RPGRIP1L: variants seen among roughly 807,000 people sequenced by gnomAD.
RPGRIP1L encodes the protein protein fantom.
In RPGRIP1L, 131 loss-of-function variants were observed where a neutral mutation model predicts 160.4. That is an observed-to-expected ratio of 0.82 (90% CI 0.71 to 0.94). RPGRIP1L has a LOEUF of 0.94. Ranked by LOEUF, RPGRIP1L falls within the 40% of genes least tolerant of loss-of-function variation. RPGRIP1L has a pLI of 0.00. For missense variants in RPGRIP1L, 1,522 were observed against 1,535.8 expected (o/e 0.99, Z 0.15); for synonymous variants, 510 against 515.8 (o/e 0.99, Z 0.15).
At chr16:53,633,543 A>C (rs1598282236) in intron 22 of RPGRIP1L, among the ~76,000 whole-genome samples, 1 of 152,228 alleles carries the variant, frequency 6.6e-6, no homozygotes, top group Non-Finnish European at 1.5e-5. Flanking sequence ...ATCTTGGACC[A>C]TATGAATAAG....
At chr16:53,615,467 TATA>T (rs1567797380) in intron 24 of RPGRIP1L, among the ~76,000 whole-genome samples, 38 of 76,022 alleles carry the variant, frequency 5.0e-4, no homozygotes, top group East Asian at 1.2e-3. Context: ...TATATATATA[TATA>T]TATTTTTTTT....
chr16:53,693,290 T>C (rs1323777535), intron 3 of RPGRIP1L: 3 of 152,242 alleles, frequency 2.0e-5, no homozygotes, highest in East Asian at 1.9e-4. Context: ...AGACAGGAGA[T>C]TGAAAATAAA....
Position 53,672,266 on chromosome 16 carries a change from T to A in RPGRIP1L, c.1029+604A>T, listed in dbSNP as rs147750860. ...TGCAGTCACAACTTTTTCCTGTGGA[T>A]CAGATTACTCTTTATTTCCATTTTC... On this transcript the variant is annotated intron_variant, in intron 8 of 26. Transcript: ENST00000647211. 5.3e-3 allele frequency among the ~76,000 whole-genome samples: 800 copies of A among 152,286 alleles called. 8 individuals are homozygous for A. Among genetic ancestry groups the A allele is most frequent in the African/African-American group, 0.018 (757 of 41,572 alleles).
intron 8 of RPGRIP1L, among the ~76,000 whole-genome samples, chr16:53,672,619 T>C (rs941938928): frequency 1.3e-5 from 2 of 152,170 alleles, no homozygotes; most frequent in African/African-American, 4.8e-5. Context: ...AGTTTCAAAA[T>C]GCTGGTTTCA....
At chr16:53,689,801 T>G (rs1970265001) in intron 4 of RPGRIP1L, among the ~76,000 whole-genome samples, 1 of 152,198 alleles carries the variant, frequency 6.6e-6, no homozygotes, top group Non-Finnish European at 1.5e-5. Context: ...TAAGAAAGTA[T>G]TCATCACTAC....
In RPGRIP1L at chr16:53,664,869, C is replaced by T. The variant is rs863225218; in HGVS notation, c.1243+1G>A. 1.2e-6 allele frequency: 2 copies of T among 1,609,616 alleles called. No homozygotes were observed. The highest frequency in any genetic ancestry group is 8.5e-7 in the Non-Finnish European group (1 of 1,179,772). On this transcript the variant is annotated splice_donor_variant, in intron 10 of 26. Coordinates refer to ENST00000647211, the MANE Select transcript of RPGRIP1L (RefSeq NM_015272.5). LOFTEE classifies it high-confidence loss of function. ...TAAGGCAGTGGTTATTTCAAATGTA[C>T]CTCTTTCAGTTTTTAATCTGTCAAG... is the stretch of plus-strand genomic sequence containing the variant.
chr16:53,684,695 A>G (rs1361445512), intron 6 of RPGRIP1L, among the ~76,000 whole-genome samples: 1 of 152,140 alleles, frequency 6.6e-6, no homozygotes, highest in African/African-American at 2.4e-5. Context: ...ATACAATGTA[A>G]CAAACCTGCA....
chr16:53,678,653 C>T (rs1037432990), intron 6 of RPGRIP1L, among the ~76,000 whole-genome samples: 1 of 150,226 alleles, frequency 6.7e-6, no homozygotes, highest in Non-Finnish European at 1.5e-5. Context: ...TAGTATTTAA[C>T]GTCATTTAGA....
chr16:53,624,914 C>A (rs1011117303), intron 22 of RPGRIP1L, among the ~76,000 whole-genome samples: 2 of 152,042 alleles, frequency 1.3e-5, no homozygotes, highest in Non-Finnish European at 2.9e-5. Flanking sequence ...TGCAGGCGTG[C>A]GCCACCACGC....
At chr16:53,648,932 C>A (rs1174245216) in intron 16 of RPGRIP1L, 32 bp downstream of exon 16, 1 of 1,592,226 alleles carries the variant, frequency 6.3e-7, no homozygotes, top group East Asian at 2.2e-5. Context: ...ATTTCTATGT[C>A]ATAAAAGGGT....
chr16:53,659,475 T>C (rs1318395214), intron 10 of RPGRIP1L: 2 of 152,252 alleles, frequency 1.3e-5, no homozygotes, highest in African/African-American at 4.8e-5. Flanking sequence ...AAATCCATAA[T>C]AAAAAAATTA....
chr16:53,633,192 T>C (rs1420504832), intron 22 of RPGRIP1L, among the ~76,000 whole-genome samples: 2 of 152,162 alleles, frequency 1.3e-5, no homozygotes, highest in African/African-American at 4.8e-5. Context: ...AAAAAACTAA[T>C]GAACCACAAG....
chr16:53,695,718 C>A, intron 3 of RPGRIP1L: 1 of 397,958 alleles, frequency 2.5e-6, no homozygotes, highest in South Asian at 3.9e-5. Context: ...AAATATGTTC[C>A]AGAGACTGAA....
chr16:53,657,333 A>T, intron 13 of RPGRIP1L, 120 bp downstream of exon 13: 1 of 668,150 alleles, frequency 1.5e-6, no homozygotes, highest in South Asian at 1.9e-5. Flanking sequence ...CAGAGATGTG[A>T]TATGTTAGTA....
Position 53,687,813 on chromosome 16 carries a change from A to C in RPGRIP1L, c.632+50T>G, listed in dbSNP as rs757476137. ...GGAAAGGGAAGGATAAAAAAAAAAG[A>C]CATTATCAATAACCAAAGTTCTCAA... On this transcript the variant is annotated intron_variant, in intron 5 of 26. Transcript: ENST00000647211. 8.3e-6 allele frequency: 9 copies of C among 1,088,674 alleles called. 1 individual carries two copies. In the South Asian group the frequency reaches 1.0e-4, roughly 12 times the overall value. The allele number at this position is 1,088,674 out of a possible 1,614,324, so 67.4% of individuals were successfully genotyped here. A position where few individuals can be genotyped will look rare whatever the true frequency, so the allele number is the denominator to read the frequency against.
intron 3 of RPGRIP1L, chr16:53,695,670 G>A (rs139020772): frequency 1.9e-6 from 1 of 519,716 alleles, no homozygotes; most frequent in African/African-American, 1.9e-5. Context: ...GAGACTCTTT[G>A]AAATCAATAT....
At chr16:53,621,444 T>G (rs987694482) in intron 23 of RPGRIP1L, among the ~76,000 whole-genome samples, 1 of 151,618 alleles carries the variant, frequency 6.6e-6, no homozygotes, top group African/African-American at 2.4e-5. Flanking sequence ...TTTTTTTTTT[T>G]TTTTGGATCT....
chr16:53,695,258 G>T lies in RPGRIP1L; in HGVS notation c.230+893C>A, dbSNP rs371429707. The T allele has an allele frequency of 1.0e-5, 7 of 686,500 alleles. No individual in the cohort carries two copies. The African/African-American group carries it at 1.1e-4, about 10-fold the overall frequency. The allele number at this position is 686,500 out of a possible 1,614,324, so 42.5% of individuals were successfully genotyped here. A position where few individuals can be genotyped will look rare whatever the true frequency, so the allele number is the denominator to read the frequency against. On this transcript the variant is annotated intron_variant, in intron 3 of 26. Coordinates refer to ENST00000647211, the MANE Select transcript of RPGRIP1L (RefSeq NM_015272.5). ...GGGATAATGGTCAGAAAAGGAATCA[G>T]GCAAGTGAGTCACAAATCTTGAAAA...
chr16:53,639,655 G>A (rs1471204627), intron 19 of RPGRIP1L, among the ~76,000 whole-genome samples: 3 of 151,918 alleles, frequency 2.0e-5, no homozygotes, highest in African/African-American at 7.3e-5. Context: ...CTAATACTTG[G>A]GCCATGAACA....
Sources: gnomAD v4.1 joint callset for allele counts (sites outside exome capture counted in the v4.1 genomes callset) on GRCh38, gnomAD v4.1.1 for gene constraint, MANE v1.5 for transcripts, NCBI Gene and HGNC (gene_info 2026-07-23, HGNC 2026-07-21) for gene names.